DGUOK: variants seen among roughly 807,000 people sequenced by gnomAD.
DGUOK encodes the protein deoxyguanosine kinase.
DGUOK carries 30 observed loss-of-function variants against 36.6 expected under a neutral mutation model. That is an observed-to-expected ratio of 0.82 (90% CI 0.61 to 1.11). The LOEUF is 1.11. Ranked by LOEUF, DGUOK falls within the 50% of genes most tolerant of loss-of-function variation. The probability of loss-of-function intolerance (pLI) is 0.00; values close to 1 mark genes in which losing one functional copy is unlikely to be tolerated. For missense variants in DGUOK, 361 were observed against 336.4 expected, an observed-to-expected ratio of 1.07 and a Z score of -0.57; for synonymous variants, 145 against 126.3, an observed-to-expected ratio of 1.15 and a Z score of -0.99.
intron 3 of DGUOK, among the ~76,000 whole-genome samples, chr2:73,949,919 T>C (rs1482797145): frequency 1.3e-5 from 2 of 152,240 alleles, no homozygotes; most frequent in Admixed American, 1.3e-4. Flanking sequence ...GCTTTAGCTT[T>C]CTTTTATCTG....
intron 1 of DGUOK, among the ~76,000 whole-genome samples, chr2:73,931,895 G>A (rs111579090): frequency 3.3e-5 from 5 of 152,240 alleles, no homozygotes; most frequent in Admixed American, 1.3e-4. Flanking sequence ...TTTTGGAAGC[G>A]GGATTGACAG....
chr2:73,932,540 A>C lies in DGUOK; in HGVS notation c.142+5488A>C, dbSNP rs1681129067. On this transcript the variant is annotated intron_variant, in intron 1 of 6. Coordinates refer to ENST00000264093, the MANE Select transcript of DGUOK (RefSeq NM_080916.3). ...GTGGAAGTTAGGCATTGGTACCCAC[A>C]CAGGGAATGTATTAAACTGCTTTTT... is the stretch of plus-strand genomic sequence containing the variant. The C allele has an allele frequency of 4.7e-6, 5 of 1,060,132 alleles. No individual in the cohort carries two copies. In the South Asian group the frequency reaches 6.7e-5, roughly 14 times the overall value. 65.7% of individuals were successfully genotyped at this position (1,060,132 alleles called of 1,614,324 possible).
In DGUOK at chr2:73,958,164, G is replaced by A. The variant is rs1329002839; in HGVS notation, c.726G>A (p.Leu242=). Residue 242 remains leucine (L), a synonymous_variant, in exon 6 of 7, where the codon CTG becomes CTA. Coordinates refer to ENST00000264093, the MANE Select transcript of DGUOK (RefSeq NM_080916.3). Reference sequence around the variant, plus strand: ...CTTATAGGCTCCACTTTGAGGCTCTGATGAACATTCCAGTGCTGGTGTTGG... The same window carrying A: ...CTTATAGGCTCCACTTTGAGGCTCTAATGAACATTCCAGTGCTGGTGTTGG... ...HKTTKLHFEA[L]MNIPVLVLDV... 6.2e-7 allele frequency: 1 copy of A among 1,613,614 alleles called. No homozygotes were observed.
chr2:73,931,336 G>A (rs1457999728), intron 1 of DGUOK, among the ~76,000 whole-genome samples: 1 of 152,080 alleles, frequency 6.6e-6, no homozygotes, highest in Non-Finnish European at 1.5e-5. Context: ...GTGCAGTGGT[G>A]TGATCTCATC....
intron 4 of DGUOK, among the ~76,000 whole-genome samples, chr2:73,952,498 A>T (rs1682770975): frequency 6.6e-6 from 1 of 152,180 alleles, no homozygotes; most frequent in South Asian, 2.1e-4. Flanking sequence ...GAGGAGTGAG[A>T]GTGCTGTGAG....
intron 4 of DGUOK, among the ~76,000 whole-genome samples, chr2:73,956,854 A>C (rs1258848135): frequency 6.6e-6 from 1 of 152,214 alleles, no homozygotes; most frequent in Non-Finnish European, 1.5e-5. Context: ...AAAACAAGGA[A>C]AATTCCAGGT....
intron 1 of DGUOK, 72 bp from the exon 2 acceptor site, chr2:73,938,838 A>T: frequency 9.7e-7 from 1 of 1,032,844 alleles, no homozygotes; most frequent in East Asian, 2.4e-5. Context: ...CGTTTGTGGC[A>T]GAGTTTAGTA....
chr2:73,939,137 A>G (rs1457447534), intron 2 of DGUOK, 115 bp downstream of exon 2: 1 of 733,516 alleles, frequency 1.4e-6, no homozygotes, highest in Non-Finnish European at 2.5e-6. Flanking sequence ...TTTTTAAAAT[A>G]GCTTCATTCC....
At chr2:73,928,181 G>A (rs932846044) in intron 1 of DGUOK, among the ~76,000 whole-genome samples, 1 of 152,224 alleles carries the variant, frequency 6.6e-6, no homozygotes, top group Non-Finnish European at 1.5e-5. Context: ...AGGCTGGAGT[G>A]CAATGACACG....
intron 3 of DGUOK, among the ~76,000 whole-genome samples, chr2:73,949,971 T>A (rs1437314203): frequency 2.6e-5 from 4 of 152,196 alleles, no homozygotes; most frequent in Non-Finnish European, 5.9e-5. Flanking sequence ...AAGCAGGAGC[T>A]CATAATGCAT....
chr2:73,936,451 C>A (rs958702339), intron 1 of DGUOK, among the ~76,000 whole-genome samples: 2 of 152,280 alleles, frequency 1.3e-5, no homozygotes, highest in East Asian at 3.9e-4. Flanking sequence ...GAGAGATGAG[C>A]GTGACTGTAC....
chr2:73,946,868 G>A lies in DGUOK; in HGVS notation c.405G>A (p.Lys135=), dbSNP rs775871024. ...PFPEKLLQAR[K]PVQIFERSVY... Reference sequence around the variant, plus strand: ...CTGAGAAACTCTTACAGGCCAGGAAGCCAGTACAGATCTTTGAGAGGTCTG... The same window carrying A: ...CTGAGAAACTCTTACAGGCCAGGAAACCAGTACAGATCTTTGAGAGGTCTG... Residue 135 remains lysine (K), a synonymous_variant, in exon 3 of 7, where the codon AAG becomes AAA. Transcript: ENST00000264093. The A allele has an allele frequency of 2.5e-5, 41 of 1,613,528 alleles. 2 individuals carry two copies. Among genetic ancestry groups the A allele is most frequent in the Middle Eastern group, 1.7e-4 (1 of 5,796 alleles).
At chr2:73,956,474 C>T (rs922806092) in intron 4 of DGUOK, among the ~76,000 whole-genome samples, 4 of 152,150 alleles carry the variant, frequency 2.6e-5, no homozygotes, top group South Asian at 4.1e-4. Flanking sequence ...ATTATATTGC[C>T]GTACTACAGA....
intron 2 of DGUOK, among the ~76,000 whole-genome samples, chr2:73,944,735 G>A (rs1682158405): frequency 6.6e-6 from 1 of 152,084 alleles, no homozygotes; most frequent in Admixed American, 6.6e-5. Context: ...CTCTTTGATA[G>A]CCCAAAGCCC....
At chr2:73,932,062 G>T (rs560602351) in intron 1 of DGUOK, among the ~76,000 whole-genome samples, 5 of 152,286 alleles carry the variant, frequency 3.3e-5, no homozygotes, top group African/African-American at 1.2e-4. Context: ...TTCTGAGACA[G>T]ATTGGAATAT....
chr2:73,931,031 C>T (rs930395338), intron 1 of DGUOK, among the ~76,000 whole-genome samples: 1 of 151,892 alleles, frequency 6.6e-6, no homozygotes, highest in African/African-American at 2.4e-5. Context: ...CTCCTGACCT[C>T]GTGATCCGCC....
In DGUOK at chr2:73,957,136, G is replaced by C; in HGVS notation, c.603G>C (p.Lys201Asn). The change falls in exon 5 of 7, where the codon AAG becomes AAC. Residue 201 changes from lysine to asparagine, a missense_variant. Physicochemically the swap from Lys to Asn is moderately conservative, Grantham distance 94. Coordinates refer to ENST00000264093, the MANE Select transcript of DGUOK (RefSeq NM_080916.3). ...GGACTGTCTTTTAGGTTTGTTTGAA[G>C]AGACTGTACCAGAGGGCCAGGGAGG... ...YLQASPQVCL[K>N]RLYQRAREEE... 1 of 1,613,816 alleles carries C rather than the reference G, an allele frequency of 6.2e-7. No individual in the cohort carries two copies. The highest frequency in any genetic ancestry group is 2.2e-5 in the East Asian group (1 of 44,884).
intron 1 of DGUOK, among the ~76,000 whole-genome samples, chr2:73,933,200 T>C (rs1461973824): frequency 6.6e-6 from 1 of 152,226 alleles, no homozygotes; most frequent in African/African-American, 2.4e-5. Flanking sequence ...GTATAAATGA[T>C]TGGGCAAAGA....
chr2:73,957,618 G>A (rs1236693240), intron 5 of DGUOK, among the ~76,000 whole-genome samples: 1 of 152,212 alleles, frequency 6.6e-6, no homozygotes, highest in African/African-American at 2.4e-5. Context: ...AGATTGCGGT[G>A]AGCCGAGATC....
Sources: gnomAD v4.1 joint callset for allele counts (sites outside exome capture counted in the v4.1 genomes callset) on GRCh38, gnomAD v4.1.1 for gene constraint, MANE v1.5 for transcripts, NCBI Gene and HGNC (gene_info 2026-07-23, HGNC 2026-07-21) for gene names.